SUGCT: variants seen among roughly 807,000 people sequenced by gnomAD.
SUGCT encodes succinyl-CoA:glutarate-CoA transferase, also known as succinyl-CoA:glutarate CoA-transferase.
In SUGCT, 41 loss-of-function variants were observed where a neutral mutation model predicts 55.0. That is an observed-to-expected ratio of 0.74 (90% CI 0.58 to 0.97). The LOEUF (loss-of-function observed/expected upper bound fraction) is 0.97. SUGCT is among the 50% of genes least tolerant of loss of function. The probability of loss-of-function intolerance (pLI) is 0.00; values close to 1 mark genes in which losing one functional copy is unlikely to be tolerated. For synonymous variants in SUGCT, 187 were observed against 200.4 expected, an observed-to-expected ratio of 0.93 and a Z score of 0.56; for missense variants, 568 against 547.8, an observed-to-expected ratio of 1.04 and a Z score of -0.37.
intron 7 of SUGCT, among the ~76,000 whole-genome samples, chr7:40,255,517 C>T (rs571948459): frequency 3.0e-4 from 46 of 151,340 alleles, no homozygotes; most frequent in African/African-American, 8.0e-4. Context: ...AAAAATTAGC[C>T]GGGCATGATG....
intron 12 of SUGCT, among the ~76,000 whole-genome samples, chr7:40,593,964 G>A (rs1344256591): frequency 6.6e-6 from 1 of 152,106 alleles, no homozygotes; most frequent in African/African-American, 2.4e-5. Context: ...AGAAAATGTG[G>A]CACATATACA....
the SUGCT span, among the ~76,000 whole-genome samples, chr7:41,005,807 C>T: frequency 6.6e-6 from 1 of 152,106 alleles, no homozygotes; most frequent in Admixed American, 6.6e-5. Context: ...TCCCTCACCC[C>T]CAATACTGAC....
At chr7:40,824,276 TG>T (rs1457790161) in intron 13 of SUGCT, among the ~76,000 whole-genome samples, 1 of 151,988 alleles carries the variant, frequency 6.6e-6, no homozygotes, top group Non-Finnish European at 1.5e-5. Flanking sequence ...AGCTGATGGA[TG>T]TTCTTAAAAT....
chr7:40,207,407 C>T (rs1441710869), intron 6 of SUGCT, among the ~76,000 whole-genome samples: 6 of 152,020 alleles, frequency 3.9e-5, no homozygotes, highest in African/African-American at 7.2e-5. Context: ...ATCAAAAAAC[C>T]GGGAAACAAC....
At chr7:40,609,873 C>T (rs374001620) in intron 12 of SUGCT, among the ~76,000 whole-genome samples, 2 of 152,060 alleles carry the variant, frequency 1.3e-5, no homozygotes, top group African/African-American at 4.8e-5. Context: ...AATCAGAATG[C>T]ATTATAGGCC....
chr7:40,955,987 C>T, the SUGCT span, among the ~76,000 whole-genome samples: 1 of 152,138 alleles, frequency 6.6e-6, no homozygotes, highest in East Asian at 1.9e-4. Context: ...CCAAGTTGAT[C>T]ATGGTGGATA....
At chr7:40,859,022 C>T (rs1794343755) in intron 13 of SUGCT, among the ~76,000 whole-genome samples, 2 of 152,108 alleles carry the variant, frequency 1.3e-5, no homozygotes, top group African/African-American at 2.4e-5. Flanking sequence ...ATTCTTTTAC[C>T]CACTCATGCT....
chr7:40,146,876 T>C (rs1788274863), intron 1 of SUGCT, among the ~76,000 whole-genome samples: 2 of 152,206 alleles, frequency 1.3e-5, no homozygotes, highest in African/African-American at 4.8e-5. Flanking sequence ...CCTTCAATTA[T>C]AGGTTTTAAA....
At chr7:40,392,918 C>G (rs977298155) in intron 9 of SUGCT, among the ~76,000 whole-genome samples, 22 of 152,160 alleles carry the variant, frequency 1.4e-4, no homozygotes, top group African/African-American at 5.1e-4. Context: ...GCCTGTAAAA[C>G]TGGGTGGATT....
chr7:40,435,475 T>G (rs1157129689), intron 9 of SUGCT, among the ~76,000 whole-genome samples: 2 of 152,192 alleles, frequency 1.3e-5, no homozygotes, highest in Non-Finnish European at 2.9e-5. Context: ...TTTCCTGAAT[T>G]ACCTGGGTTG....
At chr7:40,969,280 A>G in the SUGCT span, among the ~76,000 whole-genome samples, 1 of 152,198 alleles carries the variant, frequency 6.6e-6, no homozygotes, top group Non-Finnish European at 1.5e-5. Flanking sequence ...AAGGGATCAC[A>G]CTGATGAAAT....
At chr7:40,566,151 A>G (rs1796137919) in intron 12 of SUGCT, among the ~76,000 whole-genome samples, 1 of 152,074 alleles carries the variant, frequency 6.6e-6, no homozygotes, top group Non-Finnish European at 1.5e-5. Flanking sequence ...TTGAGTTCTT[A>G]TCTTCTCCCC....
At chr7:40,198,237 G>A (rs1786398817) in intron 6 of SUGCT, among the ~76,000 whole-genome samples, 1 of 152,094 alleles carries the variant, frequency 6.6e-6, no homozygotes, top group African/African-American at 2.4e-5. Flanking sequence ...AACAGATCCA[G>A]ACCTAAGGTC....
chr7:40,852,989 A>T (rs536349113), intron 13 of SUGCT, among the ~76,000 whole-genome samples: 2 of 152,044 alleles, frequency 1.3e-5, no homozygotes, highest in East Asian at 3.9e-4. Flanking sequence ...GGGTTTCAAG[A>T]GCTAAGAAAT....
At chr7:40,744,819 C>G (rs990699685) in intron 12 of SUGCT, among the ~76,000 whole-genome samples, 3 of 152,198 alleles carry the variant, frequency 2.0e-5, no homozygotes, top group Non-Finnish European at 4.4e-5. Flanking sequence ...TCAACATTAT[C>G]TTTGTTCTCT....
At chr7:40,852,801 T>G (rs550120187) in intron 13 of SUGCT, among the ~76,000 whole-genome samples, 1 of 152,174 alleles carries the variant, frequency 6.6e-6, no homozygotes, top group South Asian at 2.1e-4. Flanking sequence ...GATTGCAATA[T>G]TATTCCATTT....
chr7:40,739,496 T>C (rs1787352390), intron 12 of SUGCT, among the ~76,000 whole-genome samples: 1 of 152,224 alleles, frequency 6.6e-6, no homozygotes, highest in Non-Finnish European at 1.5e-5. Flanking sequence ...TTTATTTTCT[T>C]ATTTAAATAT....
At chr7:40,181,153 A>G (rs934441891) in intron 2 of SUGCT, among the ~76,000 whole-genome samples, 155 bp downstream of exon 2, 2 of 152,176 alleles carry the variant, frequency 1.3e-5, no homozygotes, top group Non-Finnish European at 2.9e-5. Context: ...TCATCATTCT[A>G]TGAGACAATT....
At chr7:40,732,836 T>C (rs1786965261) in intron 12 of SUGCT, among the ~76,000 whole-genome samples, 1 of 152,082 alleles carries the variant, frequency 6.6e-6, no homozygotes, top group African/African-American at 2.4e-5. Context: ...ACGCCTGTAA[T>C]CCCAGCGCTT....
Sources: allele counts gnomAD v4.1 joint callset (sites outside exome capture counted in the v4.1 genomes callset), GRCh38; gene constraint gnomAD v4.1.1; transcripts MANE v1.5; gene names NCBI Gene and HGNC (gene_info 2026-07-23, HGNC 2026-07-21).